Variants in A4GALT observed in about 807,000 individuals in gnomAD.
A4GALT encodes lactosylceramide 4-alpha-galactosyltransferase.
For synonymous variants in A4GALT, 257 were observed against 220.7 expected (o/e 1.16, Z -1.46); for missense variants, 512 against 486.0 (o/e 1.05, Z -0.50).
intron 2 of A4GALT, chr22:42,695,119 T>C (rs1222924516): frequency 6.6e-6 from 1 of 152,232 alleles, no homozygotes; most frequent in Non-Finnish European, 1.5e-5. Flanking sequence ...GTACCTGGTG[T>C]GTTGGAGGAA....
chr22:42,715,344 G>T (rs1922077519), intron 1 of A4GALT, among the ~76,000 whole-genome samples: 1 of 151,966 alleles, frequency 6.6e-6, no homozygotes, highest in African/African-American at 2.4e-5. Context: ...CAACACCATG[G>T]TAACCATCAC....
rs564625566 is a variant in A4GALT at position 42,719,865 on chromosome 22, C to T, written c.-188+932G>A. ...GGGCCTTCGCGGAACAATCACTCGA[C>T]GTTGGCGGAGGGGAGGAAGCCGCAG... is the stretch of plus-strand genomic sequence containing the variant. On this transcript the variant is annotated intron_variant, in intron 1 of 2. Coordinates refer to ENST00000642412, the MANE Select transcript of A4GALT (RefSeq NM_017436.7). Among the ~76,000 whole-genome samples the T allele has an allele frequency of 2.0e-5, 3 of 152,222 alleles. No individual in the cohort carries two copies. The South Asian group carries it at 6.2e-4, about 32-fold the overall frequency.
At position 42,692,781 on chromosome 22, in the gene A4GALT, C is replaced by T. The variant is rs1165220591; in HGVS notation, c.*109G>A. 1 of 1,333,856 alleles carries T rather than the reference C, an allele frequency of 7.5e-7. No homozygotes were observed. Among genetic ancestry groups the T allele is most frequent in the Non-Finnish European group, 1.0e-6 (1 of 954,916 alleles). The allele number at this position is 1,333,856 out of a possible 1,614,324, so 82.6% of individuals were successfully genotyped here. A position where few individuals can be genotyped will look rare whatever the true frequency, so the allele number is the denominator to read the frequency against. ...CAGCTCCTCAACAGCCTGCCTAAGCCCGGTGGCAGCTCGGGCCTCCCTCTC... is the reference window on the plus strand; with the variant it reads ...CAGCTCCTCAACAGCCTGCCTAAGCTCGGTGGCAGCTCGGGCCTCCCTCTC... On this transcript the variant is annotated 3_prime_UTR_variant, in exon 3 of 3. Transcript: ENST00000642412. The surrounding 1 kb of genome is among the most constrained non-coding windows in gnomAD (Gnocchi z 4.6).
At chr22:42,698,265 T>C (rs1448035999) in intron 1 of A4GALT, among the ~76,000 whole-genome samples, 72 of 119,834 alleles carry the variant, frequency 6.0e-4, no homozygotes, top group African/African-American at 2.4e-3. Context: ...AAAAAAAAAA[T>C]CGAGAGGTGC....
At chr22:42,708,963 C>T (rs1327547923) in intron 1 of A4GALT, among the ~76,000 whole-genome samples, 1 of 150,916 alleles carries the variant, frequency 6.6e-6, no homozygotes, top group Non-Finnish European at 1.5e-5. Context: ...CAGGGCAAAA[C>T]ATTTTGGGAG....
chr22:42,700,487 C>T (rs186108763), intron 1 of A4GALT, among the ~76,000 whole-genome samples: 5 of 152,146 alleles, frequency 3.3e-5, no homozygotes, highest in East Asian at 1.9e-4. Flanking sequence ...CAAGGTGGGG[C>T]GCATCAGTGA....
At position 42,693,574 on chromosome 22, in the gene A4GALT, C is replaced by G; in HGVS notation, c.378G>C (p.Arg126=). 1 of 1,613,582 alleles carries G rather than the reference C, an allele frequency of 6.2e-7. No individual in the cohort carries two copies. The highest frequency in any genetic ancestry group is 8.5e-7 in the Non-Finnish European group (1 of 1,180,030). ...GLPGGNASLP[R]HLGISLLSCF... is the part of the protein sequence containing the mutation. ...AGCTCAGAAGTGAGATGCCCAGGTG[C>G]CGGGGCAGAGAGGCGTTGCCACCCG... The change falls in exon 3 of 3, where the codon CGG becomes CGC. Residue 126 remains arginine (R), a synonymous_variant. Coordinates refer to ENST00000642412, the MANE Select transcript of A4GALT (RefSeq NM_017436.7).
At chr22:42,718,305 A>C (rs1289081322) in intron 1 of A4GALT, 3 of 152,254 alleles carry the variant, frequency 2.0e-5, no homozygotes, top group Non-Finnish European at 1.5e-5. Flanking sequence ...TCTGTTGCTC[A>C]GGCTGGAGTG....
In A4GALT at chr22:42,705,923, G is replaced by T. The variant is rs1307076838; in HGVS notation, c.-187-10292C>A. 9.1e-5 allele frequency among the ~76,000 whole-genome samples: 11 copies of T among 121,456 alleles called. 5 individuals carry two copies. Among genetic ancestry groups the T allele is most frequent in the Non-Finnish European group, 1.7e-4 (9 of 52,298 alleles). The allele number at this position is 121,456 out of a possible 152,430, so 79.7% of individuals were successfully genotyped here. On this transcript the variant is annotated intron_variant, in intron 1 of 2. Coordinates refer to ENST00000642412, the MANE Select transcript of A4GALT (RefSeq NM_017436.7). ...ACGAAAATTAGCCAGGCGTGGTAAT[G>T]TGTGCCTGTCATCCCAGCTACTCGG...
intron 1 of A4GALT, among the ~76,000 whole-genome samples, chr22:42,697,051 G>A (rs1015001769): frequency 6.6e-6 from 1 of 151,742 alleles, no homozygotes; most frequent in Non-Finnish European, 1.5e-5. Flanking sequence ...TTGGTTGTCT[G>A]TCTAGAACAT....
At chr22:42,705,125 A>G (rs2147000334) in intron 1 of A4GALT, among the ~76,000 whole-genome samples, 1 of 152,320 alleles carries the variant, frequency 6.6e-6, no homozygotes, top group South Asian at 2.1e-4. Context: ...GCCTTTCACC[A>G]GAGAAACCCA....
intron 1 of A4GALT, among the ~76,000 whole-genome samples, chr22:42,719,784 T>A (rs1330653962): frequency 1.3e-5 from 2 of 152,156 alleles, no homozygotes; most frequent in African/African-American, 2.4e-5. Flanking sequence ...AGACCTGGCC[T>A]GAGACCCACC....
chr22:42,693,538 A>G lies in A4GALT; in HGVS notation c.414T>C (p.Asn138=). Reference sequence around the variant, plus strand: ...GCAGGTCCAGCGGGAGCATCTGGACATTCGGGAAGCAGCTCAGAAGTGAGA... The same window carrying G: ...GCAGGTCCAGCGGGAGCATCTGGACGTTCGGGAAGCAGCTCAGAAGTGAGA... ...LGISLLSCFP[N]VQMLPLDLRE... The change falls in exon 3 of 3, where the codon AAT becomes AAC. Residue 138 remains asparagine (N), a synonymous_variant. Coordinates refer to ENST00000642412, the MANE Select transcript of A4GALT (RefSeq NM_017436.7). The G allele has an allele frequency of 1.2e-6, 2 of 1,613,408 alleles. No homozygotes were observed. The highest frequency in any genetic ancestry group is 1.3e-5 in the African/African-American group (1 of 75,048).
At chr22:42,716,930 T>A (rs765503495) in intron 1 of A4GALT, among the ~76,000 whole-genome samples, 2 of 152,222 alleles carry the variant, frequency 1.3e-5, no homozygotes, top group Non-Finnish European at 2.9e-5. Flanking sequence ...TGTTTCGCTC[T>A]CATGTGCTGG....
chr22:42,716,745 G>C (rs895120207), intron 1 of A4GALT, among the ~76,000 whole-genome samples: 1 of 152,196 alleles, frequency 6.6e-6, no homozygotes, highest in Admixed American at 6.6e-5. Flanking sequence ...AACAGAGCAT[G>C]GTGGCTGAGA....
intron 1 of A4GALT, among the ~76,000 whole-genome samples, chr22:42,699,938 C>G (rs1356942336): frequency 6.6e-6 from 1 of 152,174 alleles, no homozygotes; most frequent in Non-Finnish European, 1.5e-5. Context: ...AATTCGCCCC[C>G]GTTCTCCTGC....
intron 1 of A4GALT, among the ~76,000 whole-genome samples, chr22:42,706,368 A>AAAG (rs1921133355): frequency 6.6e-6 from 1 of 150,550 alleles, no homozygotes. Context: ...AAAAAAAAAA[A>AAAG]AAAAAAAAAG....
chr22:42,719,729 C>G (rs1922523969), intron 1 of A4GALT, among the ~76,000 whole-genome samples: 1 of 152,032 alleles, frequency 6.6e-6, no homozygotes, highest in Non-Finnish European at 1.5e-5. Context: ...GAGGAGGTGA[C>G]AAAGGGGAAG....
At position 42,720,820 on chromosome 22, in the gene A4GALT, G is replaced by GGCGGACA. The variant is rs1305546941; in HGVS notation, c.-218_-212dup. On this transcript the variant is annotated 5_prime_UTR_variant, in exon 1 of 3. Transcript: ENST00000642412. The stretch of plus-strand genomic sequence containing the variant: ...ACCTCTAGCTCCAGCGGCGGCGGGC[G>GGCGGACA]GCGGACAGCGGGGCCCCGGCGGGCG... The GGCGGACA allele has an allele frequency of 1.0e-5, 1 of 97,214 alleles. No homozygotes were observed. Among genetic ancestry groups the GGCGGACA allele is most frequent in the African/African-American group, 2.7e-5 (1 of 36,782 alleles). 6.0% of individuals were successfully genotyped at this position (97,214 alleles called of 1,614,324 possible).
Sources: allele counts gnomAD v4.1 joint callset (sites outside exome capture counted in the v4.1 genomes callset), GRCh38; gene constraint gnomAD v4.1.1; non-coding constraint Gnocchi (gnomAD v3.1); transcripts MANE v1.5; gene names NCBI Gene and HGNC (gene_info 2026-07-23, HGNC 2026-07-21).